The following WWOX variants were observed in gnomAD, a reference collection of about 807,000 sequenced individuals.
WWOX encodes the protein WW domain containing oxidoreductase.
A neutral mutation model predicts 46.2 loss-of-function variants in WWOX; 69 were observed. The observed-to-expected ratio is 1.49, with a 90% CI of 1.23 to 1.82. The LOEUF is 1.82. Ranked by LOEUF, WWOX falls within the 40% of genes most tolerant of loss-of-function variation. The probability of loss-of-function intolerance (pLI) is 0.00; values close to 1 mark genes in which losing one functional copy is unlikely to be tolerated. For missense variants in WWOX, 919 were observed against 542.6 expected, an observed-to-expected ratio of 1.69 and a Z score of -6.89; for synonymous variants, 359 against 202.6, an observed-to-expected ratio of 1.77 and a Z score of -6.56.
chr16:78,593,716 C>T (rs1434593595), intron 8 of WWOX, among the ~76,000 whole-genome samples: 2 of 129,920 alleles, frequency 1.5e-5, no homozygotes, highest in Non-Finnish European at 1.6e-5. Flanking sequence ...GGAAAACTGC[C>T]TGTTGTAGTT....
rs529983810 is a variant in WWOX at position 78,579,559 on chromosome 16, G to C, written c.1056+146807G>C. 4.6e-5 allele frequency among the ~76,000 whole-genome samples: 7 copies of C among 152,268 alleles called. No individual in the cohort carries two copies. The East Asian group carries it at 1.2e-3, about 25-fold the overall frequency. The stretch of plus-strand genomic sequence containing the variant: ...CTAGGTGAGGTGCTGTGGTGCGCCA[G>C]AGACTGCGGAAGTGGCTTTCTAATT... On this transcript the variant is annotated intron_variant, in intron 8 of 8. Coordinates refer to ENST00000566780, the MANE Select transcript of WWOX (RefSeq NM_016373.4).
chr16:78,495,726 C>G (rs1043662935), intron 8 of WWOX, among the ~76,000 whole-genome samples: 1 of 151,806 alleles, frequency 6.6e-6, no homozygotes, highest in Non-Finnish European at 1.5e-5. Context: ...CCAGGGTGGT[C>G]TCGAACTCCT....
At chr16:79,164,263 A>C (rs1304859253) in intron 8 of WWOX, among the ~76,000 whole-genome samples, 1 of 152,178 alleles carries the variant, frequency 6.6e-6, no homozygotes. Context: ...CACGCCACTT[A>C]GCTCAGAGTT....
At chr16:78,262,691 A>G (rs1284441870) in intron 5 of WWOX, among the ~76,000 whole-genome samples, 1 of 152,154 alleles carries the variant, frequency 6.6e-6, no homozygotes, top group Non-Finnish European at 1.5e-5. Context: ...AGGAGGGGAT[A>G]TTTAGACTTA....
At chr16:79,133,812 G>A (rs2049930020) in intron 8 of WWOX, among the ~76,000 whole-genome samples, 1 of 152,194 alleles carries the variant, frequency 6.6e-6, no homozygotes, top group South Asian at 2.1e-4. Flanking sequence ...AGGATGTAAT[G>A]AAATGACATT....
chr16:78,647,388 A>T (rs1597391566), intron 8 of WWOX, among the ~76,000 whole-genome samples: 2 of 152,048 alleles, frequency 1.3e-5, no homozygotes, highest in African/African-American at 4.8e-5. Flanking sequence ...GCTGGTTCTC[A>T]TTGCTTCTGT....
chr16:78,745,837 T>C (rs984256040), intron 8 of WWOX, among the ~76,000 whole-genome samples: 1 of 151,662 alleles, frequency 6.6e-6, no homozygotes, highest in African/African-American at 2.4e-5. Context: ...ACAGATAAAA[T>C]GGTTGGTGTA....
At chr16:78,592,464 T>G (rs2045374404) in intron 8 of WWOX, among the ~76,000 whole-genome samples, 1 of 152,248 alleles carries the variant, frequency 6.6e-6, no homozygotes, top group Admixed American at 6.5e-5. Flanking sequence ...ATGGAAACAT[T>G]CCATAGGACG....
chr16:78,278,773 A>T, intron 5 of WWOX: 1 of 920,746 alleles, frequency 1.1e-6, no homozygotes, highest in Non-Finnish European at 1.7e-6. Context: ...ACAGACATGT[A>T]CGATTTGCAA....
chr16:78,406,425 T>C (rs2082547559), intron 6 of WWOX, among the ~76,000 whole-genome samples: 1 of 147,034 alleles, frequency 6.8e-6, no homozygotes, highest in Non-Finnish European at 1.5e-5. Flanking sequence ...CAATCTCGGC[T>C]CACTGTAACC....
At chr16:78,559,709 A>G (rs778433595) in intron 8 of WWOX, among the ~76,000 whole-genome samples, 1 of 152,206 alleles carries the variant, frequency 6.6e-6, no homozygotes, top group Non-Finnish European at 1.5e-5. Flanking sequence ...CAAGGGAAAC[A>G]TTCTTCTCAC....
chr16:79,024,687 G>A (rs544366070), intron 8 of WWOX, among the ~76,000 whole-genome samples: 2 of 151,722 alleles, frequency 1.3e-5, no homozygotes, highest in Admixed American at 1.3e-4. Context: ...TGCCCACCTC[G>A]GCCTCCCAAA....
At chr16:79,126,401 G>C (rs1309448241) in intron 8 of WWOX, among the ~76,000 whole-genome samples, 4 of 152,266 alleles carry the variant, frequency 2.6e-5, no homozygotes, top group Non-Finnish European at 4.4e-5. Context: ...GAGGTAATTT[G>C]ATCATGGGGG....
chr16:78,645,708 G>C (rs555994401), intron 8 of WWOX, among the ~76,000 whole-genome samples: 1 of 152,078 alleles, frequency 6.6e-6, no homozygotes, highest in African/African-American at 2.4e-5. Flanking sequence ...ATCCACCCCC[G>C]TAACCTAGAC....
chr16:78,343,663 A>G (rs2081051917), intron 5 of WWOX, among the ~76,000 whole-genome samples: 2 of 121,144 alleles, frequency 1.7e-5, no homozygotes, highest in African/African-American at 5.6e-5. Flanking sequence ...TGTAAATAGC[A>G]CATGTGCTAG....
intron 8 of WWOX, among the ~76,000 whole-genome samples, chr16:78,440,428 A>G (rs2083418592): frequency 6.6e-6 from 1 of 152,110 alleles, no homozygotes; most frequent in African/African-American, 2.4e-5. Flanking sequence ...ACGTCAAGGA[A>G]GCAGTTTTGG....
Position 78,791,982 on chromosome 16 carries a change from G to A in WWOX, c.1056+359230G>A, listed in dbSNP as rs181124726. On this transcript the variant is annotated intron_variant, in intron 8 of 8. Transcript: ENST00000566780. ...CTTATTGTTTTTTGTTTTTTTAAGG[G>A]AGGAAATTTCTTTCAGAAGTCAGTA... Among the ~76,000 whole-genome samples the A allele has an allele frequency of 2.2e-3, 342 of 152,160 alleles. 2 individuals are homozygous for A. The highest frequency in any genetic ancestry group is 3.4e-3 in the Non-Finnish European group (233 of 67,996).
At chr16:78,929,110 G>T (rs1285940161) in intron 8 of WWOX, among the ~76,000 whole-genome samples, 1 of 152,118 alleles carries the variant, frequency 6.6e-6, no homozygotes, top group Non-Finnish European at 1.5e-5. Context: ...TAATCAAAAT[G>T]TATTTAACGC....
Position 79,183,666 on chromosome 16 carries a change from G to T in WWOX, c.1057-27942G>T, listed in dbSNP as rs73584712. The stretch of plus-strand genomic sequence containing the variant: ...TATAACAAATGTATCAAATAACTAT[G>T]TGTGAACTCTGCATGTTTCAGCCCA... On this transcript the variant is annotated intron_variant, in intron 8 of 8. Transcript: ENST00000566780. Among the ~76,000 whole-genome samples the T allele has an allele frequency of 2.6e-3, 397 of 152,232 alleles. 2 individuals are homozygous for T. Among genetic ancestry groups the T allele is most frequent in the African/African-American group, 9.2e-3 (383 of 41,526 alleles).
Sources: gnomAD v4.1 joint callset for allele counts (sites outside exome capture counted in the v4.1 genomes callset) on GRCh38, gnomAD v4.1.1 for gene constraint, MANE v1.5 for transcripts, NCBI Gene and HGNC (gene_info 2026-07-23, HGNC 2026-07-21) for gene names.